CMTM4: variants seen among roughly 807,000 people sequenced by gnomAD.
CMTM4 encodes the protein CKLF like MARVEL transmembrane domain containing 4, also known as CKLF-like MARVEL transmembrane domain-containing protein 4.
In CMTM4, 8 loss-of-function variants were observed where a neutral mutation model predicts 19.0. The ratio of observed to expected loss-of-function variants is 0.42; its 90% CI spans 0.25 to 0.76. The LOEUF is 0.76. Ranked by LOEUF, CMTM4 falls within the 30% of genes least tolerant of loss-of-function variation. CMTM4 has a pLI of 0.27. For synonymous variants in CMTM4, 106 were observed against 121.1 expected (o/e 0.88, Z 0.82); for missense variants, 228 against 290.2 (o/e 0.79, Z 1.56).
At chr16:66,610,342 C>T (rs2015330250), downstream of CMTM4, among the ~76,000 whole-genome samples, 1 of 152,152 alleles carries the variant, frequency 6.6e-6, no homozygotes, top group Admixed American at 6.5e-5. This position sits in a 1 kb window ranked among gnomAD's most constrained non-coding sequence, Gnocchi z 4.6. Flanking sequence ...CCCCCAAACC[C>T]AGCCCCTCTG....
chr16:66,633,783 A>C (rs188443261), intron 2 of CMTM4, among the ~76,000 whole-genome samples: 3 of 149,616 alleles, frequency 2.0e-5, no homozygotes, highest in Non-Finnish European at 4.4e-5. Context: ...GCACCACTGC[A>C]CTCCAGCCTG....
the CMTM4 span, among the ~76,000 whole-genome samples, chr16:66,607,700 A>G: frequency 1.3e-5 from 2 of 152,020 alleles, no homozygotes; most frequent in Admixed American, 1.3e-4. Context: ...CAGGGCACTG[A>G]GTGGAGTGCA....
intron 1 of CMTM4, among the ~76,000 whole-genome samples, chr16:66,660,912 G>C (rs1422327701): frequency 1.3e-5 from 2 of 152,026 alleles, no homozygotes; most frequent in Non-Finnish European, 2.9e-5. Context: ...CGCACGGTGG[G>C]GCCTGTCTCC....
chr16:66,685,958 A>G (rs1232798040), intron 1 of CMTM4, among the ~76,000 whole-genome samples: 1 of 152,160 alleles, frequency 6.6e-6, no homozygotes, highest in Non-Finnish European at 1.5e-5. Context: ...TTTCTAATTA[A>G]GAACAAAGTT....
intron 1 of CMTM4, among the ~76,000 whole-genome samples, chr16:66,645,555 C>T (rs754779270): frequency 5.9e-5 from 9 of 151,912 alleles, no homozygotes; most frequent in South Asian, 2.1e-4. Context: ...CCAGCCTGGG[C>T]GACAGAGACT....
chr16:66,669,705 C>A (rs751396146), intron 1 of CMTM4, among the ~76,000 whole-genome samples: 1 of 152,074 alleles, frequency 6.6e-6, no homozygotes, highest in Non-Finnish European at 1.5e-5. Context: ...CCATGCCTGG[C>A]TAATTTTTTT....
Position 66,683,187 on chromosome 16 carries a change from A to ATGTGTG in CMTM4, c.186+13152_186+13153insCACACA, listed in dbSNP as rs2016966100. 1.9e-4 allele frequency among the ~76,000 whole-genome samples: 18 copies of ATGTGTG among 93,026 alleles called. No individual in the cohort carries two copies. In the South Asian group the frequency reaches 7.8e-3, roughly 40 times the overall value. 61.0% of individuals were successfully genotyped at this position (93,026 alleles called of 152,430 possible). ...TATATATATATATACATATGTATATATATATACATATATATATATATATAA... is the reference window on the plus strand; with the variant it reads ...TATATATATATATACATATGTATATATGTGTGTATATACATATATATATATATATAA... On this transcript the variant is annotated intron_variant, in intron 1 of 3. Transcript: ENST00000394106.
At chr16:66,651,730 T>C (rs982009022) in intron 1 of CMTM4, among the ~76,000 whole-genome samples, 1 of 152,224 alleles carries the variant, frequency 6.6e-6, no homozygotes, top group African/African-American at 2.4e-5. Flanking sequence ...CTGCTCATTC[T>C]CAAAGGGATC....
chr16:66,612,029 G>A (rs186834590), downstream of CMTM4, among the ~76,000 whole-genome samples: 10 of 152,298 alleles, frequency 6.6e-5, no homozygotes, highest in East Asian at 1.4e-3. The surrounding 1 kb of genome is among the most constrained non-coding windows in gnomAD (Gnocchi z 6.0). Flanking sequence ...GGGAGACTCC[G>A]GAGGGGCTGG....
At chr16:66,609,582 C>T in the CMTM4 span, 1 of 1,539,284 alleles carries the variant, frequency 6.5e-7, no homozygotes, top group South Asian at 1.2e-5. This position sits in a 1 kb window ranked among gnomAD's most constrained non-coding sequence, Gnocchi z 4.4. Context: ...TCTAGCCCCT[C>T]ATTTAGGGTG....
rs148513673 is a variant in CMTM4, at chr16:66,669,782, G to T, written c.186+26558C>A. On this transcript the variant is annotated intron_variant, in intron 1 of 3. Coordinates refer to ENST00000394106, the MANE Select transcript of CMTM4 (RefSeq NM_181521.3). ...GATGGTCTCGATCTCCTGACCTTGT[G>T]ATCCACCCACCTCGGCCTCCCAAAG... Among the ~76,000 whole-genome samples the T allele has an allele frequency of 6.3e-3, 952 of 152,166 alleles. 2 individuals are homozygous for T. Among genetic ancestry groups the T allele is most frequent in the Non-Finnish European group, 8.7e-3 (595 of 68,012 alleles).
At chr16:66,623,901 C>A (rs780072068) in intron 2 of CMTM4, among the ~76,000 whole-genome samples, 3 of 152,220 alleles carry the variant, frequency 2.0e-5, no homozygotes, top group Non-Finnish European at 4.4e-5. Flanking sequence ...CCTGCACTCA[C>A]ATGTGACATT....
the CMTM4 span, chr16:66,604,717 C>G: frequency 3.8e-6 from 4 of 1,051,512 alleles, no homozygotes; most frequent in African/African-American, 6.6e-5. Context: ...GTCGCCTGCC[C>G]TCCTTCCGCA....
chr16:66,639,913 G>C (rs909071337), intron 1 of CMTM4, among the ~76,000 whole-genome samples: 5 of 152,194 alleles, frequency 3.3e-5, no homozygotes, highest in Non-Finnish European at 7.3e-5. Context: ...AGCTACCAGG[G>C]AGGCTAATGC....
intron 1 of CMTM4, among the ~76,000 whole-genome samples, chr16:66,651,176 T>C (rs1248783758): frequency 6.6e-6 from 1 of 151,998 alleles, no homozygotes; most frequent in Admixed American, 6.6e-5. Flanking sequence ...GCTCCTCTCT[T>C]AGCAACCAAC....
intron 1 of CMTM4, among the ~76,000 whole-genome samples, chr16:66,670,904 G>A (rs761621857): frequency 6.6e-6 from 1 of 152,214 alleles, no homozygotes; most frequent in Non-Finnish European, 1.5e-5. Context: ...ACAAGTATGC[G>A]CATGGGAACA....
chr16:66,687,624 A>G (rs2017057651), intron 1 of CMTM4, among the ~76,000 whole-genome samples: 1 of 151,870 alleles, frequency 6.6e-6, no homozygotes, highest in Admixed American at 6.6e-5. Context: ...GATATTCTGT[A>G]TCACTATCAG....
At chr16:66,614,552 G>T (rs1011231479), downstream of CMTM4, among the ~76,000 whole-genome samples, 4 of 152,204 alleles carry the variant, frequency 2.6e-5, no homozygotes, top group African/African-American at 4.8e-5. The surrounding 1 kb of genome is among the most constrained non-coding windows in gnomAD (Gnocchi z 4.9). Flanking sequence ...GTGTGCAGGA[G>T]TGGAGAGGCC....
chr16:66,624,236 C>T (rs771605128), intron 2 of CMTM4, among the ~76,000 whole-genome samples: 2 of 152,192 alleles, frequency 1.3e-5, no homozygotes, highest in Non-Finnish European at 2.9e-5. Context: ...GGTGAAGAGC[C>T]CAGCATGGTG....
Sources: gnomAD v4.1 joint callset for allele counts (sites outside exome capture counted in the v4.1 genomes callset) on GRCh38, gnomAD v4.1.1 for gene constraint, Gnocchi (gnomAD v3.1) non-coding constraint, MANE v1.5 for transcripts, NCBI Gene and HGNC (gene_info 2026-07-23, HGNC 2026-07-21) for gene names.